Variants in HEATR5B observed in about 807,000 individuals in gnomAD.
The protein encoded by HEATR5B is HEAT repeat-containing protein 5B.
HEATR5B carries 156 observed loss-of-function variants against 224.1 expected under a neutral mutation model. That is an observed-to-expected ratio of 0.70 (90% confidence interval 0.61 to 0.80). The LOEUF (loss-of-function observed/expected upper bound fraction) is 0.80, where lower values mean the gene tolerates loss of function less well. Ranked by LOEUF, HEATR5B falls within the 30% of genes least tolerant of loss-of-function variation. HEATR5B has a pLI of 0.00. For missense variants in HEATR5B, 2,323 were observed against 2,535.5 expected, an observed-to-expected ratio of 0.92 and a Z score of 1.80; for synonymous variants, 1,027 against 893.0, an observed-to-expected ratio of 1.15 and a Z score of -2.68.
intron 6 of HEATR5B, among the ~76,000 whole-genome samples, chr2:37,071,477 G>A (rs1214664529): frequency 1.3e-5 from 2 of 152,076 alleles, no homozygotes; most frequent in African/African-American, 4.8e-5. Context: ...TACAAATGGG[G>A]ATCTACTCAT....
chr2:37,072,217 G>T lies in HEATR5B; in HGVS notation c.662C>A (p.Thr221Asn). 6.2e-7 allele frequency: 1 copy of T among 1,613,658 alleles called. No homozygotes were observed. The highest frequency in any genetic ancestry group is 8.5e-7 in the Non-Finnish European group (1 of 1,179,620). The stretch of plus-strand genomic sequence containing the variant: ...GTTTTCCAAAGCCTTAAAGCAGAGA[G>T]TGGCTATATTTTCTAGTTCAGCAGT... ...MWTAELENIA[T>N]LCFKALENSN... Residue 221 changes from threonine (T) to asparagine (N), a missense_variant, in exon 6 of 36, where the codon ACT becomes AAT. Physicochemically the swap from Thr to Asn is moderately conservative, Grantham distance 65. Coordinates refer to ENST00000233099, the MANE Select transcript of HEATR5B (RefSeq NM_019024.3).
In HEATR5B at chr2:36,981,326, A is replaced by T. The variant is rs1354350768; in HGVS notation, c.*164T>A. On this transcript the variant is annotated 3_prime_UTR_variant, in exon 36 of 36. Transcript: ENST00000233099. ...CATGATAAAAAAAATCACTCCTTAA[A>T]AATCAATAAGTGGTGTGAGCATTAT... is the stretch of plus-strand genomic sequence containing the variant. 1.9e-5 allele frequency: 9 copies of T among 465,706 alleles called. No homozygotes were observed. The highest frequency in any genetic ancestry group is 3.3e-5 in the Non-Finnish European group (9 of 269,354). The allele number at this position is 465,706 out of a possible 1,614,324, so 28.8% of individuals were successfully genotyped here.
chr2:37,028,102 T>A lies in HEATR5B; in HGVS notation c.3674A>T (p.Asp1225Val). ...TTCACCTAACGTGGTAAACATGGTA[T>A]CATCATCCATCTCATCTTTCTTTTC... The part of the protein sequence containing the change: ...EAEKKDEMDD[D>V]TMFTTLGEED... The change falls in exon 24 of 36, where the codon GAT (aspartate) becomes GTT (valine). Residue 1225 changes from aspartate to valine, a missense_variant. This residue lies in a region of HEATR5B where 339 missense variants were observed against 378.4 expected (regional missense o/e 0.90). Coordinates refer to ENST00000233099, the MANE Select transcript of HEATR5B (RefSeq NM_019024.3). The A allele has an allele frequency of 6.2e-7, 1 of 1,613,056 alleles. No homozygotes were observed. Among genetic ancestry groups the A allele is most frequent in the Non-Finnish European group, 8.5e-7 (1 of 1,178,984 alleles).
chr2:37,063,669 AT>A (rs1039681587), intron 10 of HEATR5B, among the ~76,000 whole-genome samples: 3 of 152,208 alleles, frequency 2.0e-5, no homozygotes, highest in Admixed American at 2.0e-4. Flanking sequence ...CAGAAAAAAA[AT>A]CAAAATTTAA....
At chr2:37,074,725 A>C (rs2148597059) in intron 5 of HEATR5B, among the ~76,000 whole-genome samples, 1 of 152,372 alleles carries the variant, frequency 6.6e-6, no homozygotes, top group South Asian at 2.1e-4. Flanking sequence ...ACCCAATAAA[A>C]CAATGGACAA....
At chr2:37,011,040 C>A (rs766771980) in intron 27 of HEATR5B, among the ~76,000 whole-genome samples, 6 of 152,134 alleles carry the variant, frequency 3.9e-5, no homozygotes, top group Non-Finnish European at 8.8e-5. Flanking sequence ...TATTTATCTT[C>A]TACAAAGATA....
intron 5 of HEATR5B, among the ~76,000 whole-genome samples, chr2:37,074,198 C>T (rs1341076426): frequency 6.6e-6 from 1 of 151,854 alleles, no homozygotes; most frequent in Non-Finnish European, 1.5e-5. Flanking sequence ...TGGCGGACGC[C>T]TGTAGTCCCA....
chr2:37,038,831 C>T (rs540550378), intron 20 of HEATR5B, among the ~76,000 whole-genome samples: 6 of 134,396 alleles, frequency 4.5e-5, no homozygotes, highest in South Asian at 2.7e-4. Flanking sequence ...ACCCGGGAGG[C>T]GGAGGTTGTA....
Position 37,000,767 on chromosome 2 carries a change from T to C in HEATR5B, c.5364A>G (p.Ile1788Met), listed in dbSNP as rs1156350599. The change falls in exon 33 of 36, where the codon ATA (isoleucine) becomes ATG (methionine). Residue 1788 changes from isoleucine to methionine, a missense_variant. Around this residue, in one of 12 missense-constraint regions of HEATR5B, gnomAD observed 844 missense variants for 812.9 expected, o/e 1.04. Coordinates refer to ENST00000233099, the MANE Select transcript of HEATR5B (RefSeq NM_019024.3). ...LPTILFLIAR[I>M]LKDTAIKSAD... is the part of the protein sequence containing the mutation. ...CAGACTTTATTGCTGTGTCTTTCAATATTCTTGCAATTAAGAACAGAATTG... is the reference window on the plus strand; with the variant it reads ...CAGACTTTATTGCTGTGTCTTTCAACATTCTTGCAATTAAGAACAGAATTG... 1.9e-6 allele frequency: 3 copies of C among 1,614,182 alleles called. No individual in the cohort carries two copies. Among genetic ancestry groups the C allele is most frequent in the Non-Finnish European group, 2.5e-6 (3 of 1,179,998 alleles).
chr2:36,987,049 G>A (rs1052144839), intron 35 of HEATR5B, among the ~76,000 whole-genome samples: 1 of 152,100 alleles, frequency 6.6e-6, no homozygotes, highest in Admixed American at 6.6e-5. Flanking sequence ...CACTGCGCCT[G>A]GCCAATTAAA....
At chr2:37,042,734 A>C (rs1669950037) in intron 18 of HEATR5B, among the ~76,000 whole-genome samples, 1 of 152,116 alleles carries the variant, frequency 6.6e-6, no homozygotes, top group South Asian at 2.1e-4. Context: ...TCTACTAAAA[A>C]TACAAAAATC....
chr2:37,056,641 T>C, intron 15 of HEATR5B, 26 bp from the exon 16 acceptor site: 1 of 1,562,044 alleles, frequency 6.4e-7, no homozygotes, highest in Non-Finnish European at 8.7e-7. Flanking sequence ...ATAAAAATTA[T>C]TCAAAATCTA....
Position 37,037,145 on chromosome 2 carries a change from G to GAGATGGATATATATATATATATATATAT in HEATR5B, c.3216+709_3216+710insATATATATATATATATATATATCCATCT. 2.6e-3 allele frequency among the ~76,000 whole-genome samples: 236 copies of GAGATGGATATATATATATATATATATAT among 89,170 alleles called. 46 individuals carry two copies. In the East Asian group the frequency reaches 0.067, roughly 25 times the overall value. The allele number at this position is 89,170 out of a possible 152,430, so 58.5% of individuals were successfully genotyped here. A position where few individuals can be genotyped will look rare whatever the true frequency, so the allele number is the denominator to read the frequency against. Reference sequence around the variant, plus strand: ...TTCCGAGTAGGAAAACTAAAAATGTGATATATATATATATTTTGGAGATGG... The same window carrying GAGATGGATATATATATATATATATATAT: ...TTCCGAGTAGGAAAACTAAAAATGTGAGATGGATATATATATATATATATATATATATATATATATATTTTGGAGATGG... On this transcript the variant is annotated intron_variant, in intron 21 of 35. Transcript: ENST00000233099.
At chr2:37,013,759 T>A (rs551244414) in intron 27 of HEATR5B, 82 bp downstream of exon 27, 4 of 1,286,114 alleles carry the variant, frequency 3.1e-6, no homozygotes, top group Admixed American at 2.6e-5. Context: ...AACAAAAATT[T>A]TTTTACCAAC....
At chr2:37,064,309 G>T (rs1411595799) in intron 10 of HEATR5B, among the ~76,000 whole-genome samples, 2 of 143,284 alleles carry the variant, frequency 1.4e-5, no homozygotes, top group Non-Finnish European at 3.1e-5. Flanking sequence ...TTGAGACAGG[G>T]TAGGTCTTGG....
chr2:37,036,863 G>A (rs545686499), intron 21 of HEATR5B, among the ~76,000 whole-genome samples: 2 of 151,792 alleles, frequency 1.3e-5, no homozygotes, highest in Non-Finnish European at 2.9e-5. Context: ...GATTATGATA[G>A]GCCTCCTGCT....
In HEATR5B at chr2:36,981,483, T is replaced by C. The variant is rs1665576131; in HGVS notation, c.*7A>G. On this transcript the variant is annotated 3_prime_UTR_variant, in exon 36 of 36. Coordinates refer to ENST00000233099, the MANE Select transcript of HEATR5B (RefSeq NM_019024.3). ...ACAACATAAATACAAATAAATGAAA[T>C]TACAAATTAAAAAAAACTTGTTTTT... The C allele has an allele frequency of 1.3e-6, 2 of 1,595,328 alleles. No individual in the cohort carries two copies. Among genetic ancestry groups the C allele is most frequent in the Non-Finnish European group, 8.5e-7 (1 of 1,170,296 alleles).
chr2:37,028,870 G>C lies in HEATR5B; in HGVS notation c.3412C>G (p.Arg1138Gly). ...TCTGTTATATTAACACCTTGGTGCC[G>C]GCAATGGATATCAGTTCGAGAACTA... is the stretch of plus-strand genomic sequence containing the variant. The part of the protein sequence containing the change: ...GVSSRTDIHC[R>G]HQGVNITETG... The change falls in exon 23 of 36, where the codon CGG becomes GGG. Residue 1138 changes from arginine (R) to glycine (G), a missense_variant. Arg to Gly is a moderately radical substitution (Grantham distance 125). Transcript: ENST00000233099. 1.2e-6 allele frequency: 2 copies of C among 1,613,878 alleles called. No homozygotes were observed. The highest frequency in any genetic ancestry group is 1.1e-5 in the South Asian group (1 of 91,074).
chr2:37,074,660 A>G (rs1027614911), intron 5 of HEATR5B, among the ~76,000 whole-genome samples: 2 of 152,264 alleles, frequency 1.3e-5, no homozygotes, highest in Non-Finnish European at 2.9e-5. Flanking sequence ...ATATCTGATA[A>G]AGGAATATGT....
Sources: gnomAD v4.1 joint callset for allele counts (sites outside exome capture counted in the v4.1 genomes callset) on GRCh38, gnomAD v4.1.1 for gene constraint, gnomAD v4.1.1 regional missense constraint, MANE v1.5 for transcripts, NCBI Gene and HGNC (gene_info 2026-07-23, HGNC 2026-07-21) for gene names.